Variants in WASHC2A observed in about 807,000 individuals in gnomAD.
WASHC2A encodes WASH complex subunit FAM21A.
WASHC2A carries 82 observed loss-of-function variants against 140.3 expected under a neutral mutation model. That is an observed-to-expected ratio of 0.58 (90% confidence interval 0.49 to 0.70). WASHC2A has a LOEUF of 0.70. WASHC2A is among the 30% of genes least tolerant of loss of function. The probability of loss-of-function intolerance (pLI) is 0.00; values close to 1 mark genes in which losing one functional copy is unlikely to be tolerated. For synonymous variants in WASHC2A, 340 were observed against 560.8 expected, an observed-to-expected ratio of 0.61 and a Z score of 5.56; for missense variants, 985 against 1,521.8, an observed-to-expected ratio of 0.65 and a Z score of 5.87.
chr10:50,102,214 C>G (rs1841269607), intron 17 of WASHC2A, among the ~76,000 whole-genome samples: 1 of 152,110 alleles, frequency 6.6e-6, no homozygotes. Context: ...GATTCTAAGG[C>G]AAGGAGAGGT....
Position 50,121,382 on chromosome 10 carries a change from T to C in WASHC2A, c.2478+1613T>C, listed in dbSNP as rs1419172496. On this transcript the variant is annotated intron_variant, in intron 23 of 30. Transcript: ENST00000282633. ...ACATTTACTAACTTACAAAAGTTAC[T>C]ACTAGTAACTTTCTTTTTTTTTTTT... 3.6e-4 allele frequency among the ~76,000 whole-genome samples: 52 copies of C among 145,230 alleles called. 2 individuals are homozygous for C. The highest frequency in any genetic ancestry group is 7.4e-4 in the Admixed American group (11 of 14,856).
rs915804221 is a variant in WASHC2A, at chr10:50,129,986, A to G, written c.3655A>G (p.Thr1219Ala). ...FTDQKVKKNE[T>A]KSNSQQDVIL... ...AGATCAGAAAGTCAAGAAGAATGAGACAAAATCCAATAGTCAGCAGGATGT... is the reference window on the plus strand; with the variant it reads ...AGATCAGAAAGTCAAGAAGAATGAGGCAAAATCCAATAGTCAGCAGGATGT... Residue 1219 changes from threonine (T) to alanine (A), a missense_variant, in exon 29 of 31, where the codon ACA (threonine) becomes GCA (alanine). Coordinates refer to ENST00000282633, the MANE Select transcript of WASHC2A (RefSeq NM_001005751.3). 5.0e-6 allele frequency: 8 copies of G among 1,611,884 alleles called. No homozygotes were observed. The African/African-American group carries it at 6.7e-5, about 13-fold the overall frequency.
Position 50,076,158 on chromosome 10 carries a change from G to T in WASHC2A, c.292-2517G>T, listed in dbSNP as rs61856717. Among the ~76,000 whole-genome samples the T allele has an allele frequency of 6.0e-3, 917 of 152,162 alleles. 8 individuals are homozygous for T. The highest frequency in any genetic ancestry group is 0.031 in the Middle Eastern group (9 of 294). ...CCAGGCTGGTCTCAAACTCCTGACCGCAGGTGATCCCAAAGTGCTGGGATT... is the reference window on the plus strand; with the variant it reads ...CCAGGCTGGTCTCAAACTCCTGACCTCAGGTGATCCCAAAGTGCTGGGATT... On this transcript the variant is annotated intron_variant, in intron 3 of 30. Transcript: ENST00000282633.
At position 50,132,875 on chromosome 10, in the gene WASHC2A, C is replaced by T; in HGVS notation, c.3956C>T (p.Pro1319Leu). The T allele has an allele frequency of 1.2e-6, 2 of 1,612,058 alleles. No individual in the cohort carries two copies. Among genetic ancestry groups the T allele is most frequent in the Non-Finnish European group, 1.7e-6 (2 of 1,179,858 alleles). The change falls in exon 31 of 31, where the codon CCT becomes CTT. Residue 1319 changes from proline (P) to leucine (L), a missense_variant. Coordinates refer to ENST00000282633, the MANE Select transcript of WASHC2A (RefSeq NM_001005751.3). ...KPKSRSAQAA[P>L]EPRFEHKVSN... is the part of the protein sequence containing the mutation. The stretch of plus-strand genomic sequence containing the variant: ...AAAAGCCGATCTGCACAGGCCGCAC[C>T]TGAACCAAGATTTGAACACAAGGTG...
At position 50,106,568 on chromosome 10, in the gene WASHC2A, C is replaced by T. The variant is rs1841804372; in HGVS notation, c.1869+103C>T. ...TACCTGTTTTATATCTCGTGATGTTCAGTCACCAAAGGCGATGTTCACAAG... is the reference window on the plus strand; with the variant it reads ...TACCTGTTTTATATCTCGTGATGTTTAGTCACCAAAGGCGATGTTCACAAG... On this transcript the variant is annotated intron_variant, in intron 19 of 30. Transcript: ENST00000282633. The T allele has an allele frequency of 7.2e-6, 11 of 1,517,756 alleles. No individual in the cohort carries two copies. In the East Asian group the frequency reaches 9.0e-5, roughly 12 times the overall value. The allele number at this position is 1,517,756 out of a possible 1,614,324, so 94.0% of individuals were successfully genotyped here. A position where few individuals can be genotyped will look rare whatever the true frequency, so the allele number is the denominator to read the frequency against.
rs1840168219 is a variant in WASHC2A, at chr10:50,093,887, G to A, written c.1150G>A (p.Asp384Asn). ...TGACCTCTTCACGGAAGCCCCCCAG[G>A]ATCGGCAAGCTGGAGCCTCTGTTAA... is the stretch of plus-strand genomic sequence containing the variant. ...ESDLFTEAPQ[D>N]RQAGASVKEE... The change falls in exon 13 of 31, where the codon GAT becomes AAT. Residue 384 changes from aspartate (D) to asparagine (N), a missense_variant. Transcript: ENST00000282633. 2 of 1,610,254 alleles carry A rather than the reference G, an allele frequency of 1.2e-6. No individual in the cohort carries two copies. The highest frequency in any genetic ancestry group is 2.7e-5 in the African/African-American group (2 of 74,930).
intron 30 of WASHC2A, among the ~76,000 whole-genome samples, chr10:50,131,895 A>G (rs1210658476): frequency 6.6e-6 from 1 of 152,264 alleles, no homozygotes; most frequent in African/African-American, 2.4e-5. Context: ...GATTCATGCA[A>G]TTCAGAAAAT....
intron 3 of WASHC2A, among the ~76,000 whole-genome samples, chr10:50,077,228 A>C (rs1271696326): frequency 5.9e-5 from 9 of 152,006 alleles, no homozygotes; most frequent in Non-Finnish European, 8.8e-5. Context: ...TGGGAGGTGG[A>C]GGTTGCAGTG....
Position 50,069,761 on chromosome 10 carries a change from T to C in WASHC2A, c.291+50T>C, listed in dbSNP as rs1250995516. The C allele has an allele frequency of 4.5e-6, 7 of 1,538,724 alleles. No homozygotes were observed. The South Asian group carries it at 9.0e-5, about 20-fold the overall frequency. ...TTCCTTTTTTGGGAGTAGGAGATATTGTAATTTTAAATAACTTACTGTTAG... is the reference window on the plus strand; with the variant it reads ...TTCCTTTTTTGGGAGTAGGAGATATCGTAATTTTAAATAACTTACTGTTAG... On this transcript the variant is annotated intron_variant, in intron 3 of 30. Transcript: ENST00000282633.
chr10:50,101,364 C>G, intron 17 of WASHC2A, among the ~76,000 whole-genome samples: 1 of 152,312 alleles, frequency 6.6e-6, no homozygotes. Context: ...CTCTGTGAGG[C>G]CTCCCTGATG....
chr10:50,083,571 T>A (rs1365833519), intron 5 of WASHC2A, among the ~76,000 whole-genome samples: 3 of 127,334 alleles, frequency 2.4e-5, no homozygotes, highest in African/African-American at 1.0e-4. Flanking sequence ...TTTTTTTTTT[T>A]TTTGAGATGG....
chr10:50,079,204 A>T (rs1285108219), intron 4 of WASHC2A, among the ~76,000 whole-genome samples: 1 of 150,430 alleles, frequency 6.6e-6, no homozygotes, highest in Non-Finnish European at 1.5e-5. Flanking sequence ...TAAGTTTATT[A>T]TTGGAGTAGC....
chr10:50,092,301 C>G (rs1840004217), intron 11 of WASHC2A, 68 bp downstream of exon 11: 2 of 896,878 alleles, frequency 2.2e-6, no homozygotes, highest in Admixed American at 2.6e-5. Context: ...TTACATAATT[C>G]ATGAAGTACT....
intron 30 of WASHC2A, among the ~76,000 whole-genome samples, chr10:50,131,628 C>T (rs1436798866): frequency 6.6e-6 from 1 of 152,202 alleles, no homozygotes; most frequent in Non-Finnish European, 1.5e-5. Context: ...GTAGACAAGG[C>T]AAATGCCCGA....
At chr10:50,105,790 AT>A (rs1165514420) in intron 18 of WASHC2A, among the ~76,000 whole-genome samples, 1 of 145,450 alleles carries the variant, frequency 6.9e-6, no homozygotes, top group African/African-American at 2.5e-5. Context: ...TTAGTAAGCT[AT>A]TTCTCCACTT....
rs199799735 is a variant in WASHC2A at position 50,093,365 on chromosome 10, C to T, written c.1101C>T (p.Leu367=). ...GGGLFSGGKG[L]FDDEDEESDL... Reference sequence around the variant, plus strand: ...GCCTGTTCAGTGGGGGCAAGGGGCTCTTTGATGATGAGGACGAGGAGGTGA... The same window carrying T: ...GCCTGTTCAGTGGGGGCAAGGGGCTTTTTGATGATGAGGACGAGGAGGTGA... The change falls in exon 12 of 31, where the codon CTC becomes CTT. Residue 367 remains leucine, a synonymous_variant. Transcript: ENST00000282633. 3.6e-5 allele frequency: 47 copies of T among 1,312,052 alleles called. 6 individuals are homozygous for T. The highest frequency in any genetic ancestry group is 6.1e-4 in the Middle Eastern group (2 of 3,288). 81.3% of individuals were successfully genotyped at this position (1,312,052 alleles called of 1,614,324 possible).
chr10:50,098,947 A>G (rs557978941), intron 16 of WASHC2A, among the ~76,000 whole-genome samples: 4 of 150,316 alleles, frequency 2.7e-5, no homozygotes, highest in Middle Eastern at 3.4e-3. Flanking sequence ...TGCCCACCAC[A>G]CTGCTTCATT....
intron 3 of WASHC2A, among the ~76,000 whole-genome samples, 198 bp downstream of exon 3, chr10:50,069,909 T>C (rs1837645592): frequency 6.6e-6 from 1 of 152,242 alleles, no homozygotes; most frequent in Non-Finnish European, 1.5e-5. Context: ...TAAAAAAGTC[T>C]AATGATAACA....
chr10:50,102,131 T>G (rs1208751789), intron 17 of WASHC2A, among the ~76,000 whole-genome samples: 1 of 152,182 alleles, frequency 6.6e-6, no homozygotes, highest in African/African-American at 2.4e-5. Context: ...CTCAGACTTG[T>G]GTGAAAACCC....
Sources: allele counts gnomAD v4.1 joint callset (sites outside exome capture counted in the v4.1 genomes callset), GRCh38; gene constraint gnomAD v4.1.1; transcripts MANE v1.5; gene names NCBI Gene and HGNC (gene_info 2026-07-23, HGNC 2026-07-21).